Variants in OR13C5 observed in about 807,000 individuals in gnomAD.
OR13C5 encodes the protein olfactory receptor 13C5.
OR13C5 carries 9 observed loss-of-function variants against 12.4 expected under a neutral mutation model. The ratio of observed to expected loss-of-function variants is 0.72; its 90% confidence interval spans 0.44 to 1.26. The LOEUF (loss-of-function observed/expected upper bound fraction) is 1.26. Ranked by LOEUF, OR13C5 falls within the 50% of genes most tolerant of loss-of-function variation. OR13C5 has a pLI of 0.00. For synonymous variants in OR13C5, 124 were observed against 139.4 expected (o/e 0.89, Z 0.78); for missense variants, 361 against 374.4 (o/e 0.96, Z 0.29).
At position 104,599,010 on chromosome 9, in the gene OR13C5, A is replaced by T. The variant is rs1295528863; in HGVS notation, c.404T>A (p.Ile135Asn). 6.2e-7 allele frequency: 1 copy of T among 1,613,812 alleles called. No individual in the cohort carries two copies. Among genetic ancestry groups the T allele is most frequent in the Non-Finnish European group, 8.5e-7 (1 of 1,179,970 alleles). The change falls in exon 1 of 1, where the codon ATC becomes AAC. Residue 135 changes from isoleucine (I) to asparagine (N), a missense_variant. Coordinates refer to ENST00000374779, the MANE Select transcript of OR13C5 (RefSeq NM_001004482.1). ...GGGTACATAGGCATCCTTACTCATG[A>T]TGATGGGATATCTCAGAGGGTTGCA... The part of the protein sequence containing the change: ...AICNPLRYPI[I>N]MSKDAYVPMA...
In OR13C5 at chr9:104,598,539, T is replaced by C; in HGVS notation, c.875A>G (p.Asn292Ser). 1 of 1,613,254 alleles carries C rather than the reference T, an allele frequency of 6.2e-7. No individual in the cohort carries two copies. ...IFYRVMTPMM[N>S]PLIYSLRNKD... ...GTTTCTAAGACTGTAGATTAAAGGA[T>C]TCATCATGGGAGTCATCACCCTGTA... is the stretch of plus-strand genomic sequence containing the variant. The change falls in exon 1 of 1, where the codon AAT becomes AGT. Residue 292 changes from asparagine (N) to serine (S), a missense_variant. Physicochemically the swap from Asn to Ser is conservative, Grantham distance 46. Transcript: ENST00000374779.
rs781404745 is a variant in OR13C5 at position 104,599,253 on chromosome 9, T to A, written c.161A>T (p.His54Leu). 4.4e-6 allele frequency: 7 copies of A among 1,608,984 alleles called. No homozygotes were observed. In the South Asian group the frequency reaches 7.7e-5, roughly 18 times the overall value. Residue 54 changes from histidine (H) to leucine (L), a missense_variant, in exon 1 of 1, where the codon CAC becomes CTC. Physicochemically the swap from His to Leu is moderately conservative, Grantham distance 99. This residue lies in a region of OR13C5 where 67 missense variants were observed against 106.4 expected (regional missense o/e 0.63). Coordinates refer to ENST00000374779, the MANE Select transcript of OR13C5 (RefSeq NM_001004482.1). ...AAAGAAGTACATAGGGGTGTGAAGG[T>A]GAGGGTCCAAGATGCTGATTAAAAT... is the stretch of plus-strand genomic sequence containing the variant. ...TLILISILDP[H>L]LHTPMYFFLG...
In OR13C5 at chr9:104,598,833, C is replaced by G. The variant is rs76558719; in HGVS notation, c.581G>C (p.Gly194Ala). 3 of 1,613,980 alleles carry G rather than the reference C, an allele frequency of 1.9e-6. No individual in the cohort carries two copies. In the Admixed American group the frequency reaches 5.0e-5, roughly 27 times the overall value. Residue 194 changes from glycine to alanine, a missense_variant, in exon 1 of 1, where the codon GGC becomes GCC. Gly to Ala is a moderately conservative substitution (Grantham distance 60). Coordinates refer to ENST00000374779, the MANE Select transcript of OR13C5 (RefSeq NM_001004482.1). ...GGTCACAAGCAGGATGAACTCATTG[C>G]CTGAGATGTCAGCACAGGCCAGTTT... ...VMKLACADIS[G>A]NEFILLVTTT... is the part of the protein sequence containing the mutation.
rs369107437 is a variant in OR13C5 at position 104,599,313 on chromosome 9, A to G, written c.101T>C (p.Met34Thr). The change falls in exon 1 of 1, where the codon ATG (methionine) becomes ACG (threonine). Residue 34 changes from methionine to threonine, a missense_variant. This residue lies in a region of OR13C5 where 67 missense variants were observed against 106.4 expected (regional missense o/e 0.63). Transcript: ENST00000374779. ...ELLFFVLIFI[M>T]YVVILLGNGT... The stretch of plus-strand genomic sequence containing the variant: ...ATTCCCCAGAAGGATGACCACATAC[A>G]TTATGAAGATGAGCACAAAAAAGAG... 3.7e-6 allele frequency: 6 copies of G among 1,607,262 alleles called. No homozygotes were observed. In the African/African-American group the frequency reaches 4.0e-5, roughly 11 times the overall value.
Position 104,598,829 on chromosome 9 carries a change from A to C in OR13C5, c.585T>G (p.Asn195Lys), listed in dbSNP as rs529662276. Reference protein sequence around the residue: ...MKLACADISGNEFILLVTTTL... With the variant: ...MKLACADISGKEFILLVTTTL... The stretch of plus-strand genomic sequence containing the variant: ...TTGTGGTCACAAGCAGGATGAACTC[A>C]TTGCCTGAGATGTCAGCACAGGCCA... The change falls in exon 1 of 1, where the codon AAT (asparagine) becomes AAG (lysine). Residue 195 changes from asparagine (N) to lysine (K), a missense_variant. This residue lies in a region of OR13C5 where 294 missense variants were observed against 268.0 expected (regional missense o/e 1.10). Transcript: ENST00000374779. 6.2e-7 allele frequency: 1 copy of C among 1,614,104 alleles called. No individual in the cohort carries two copies. The highest frequency in any genetic ancestry group is 1.3e-5 in the African/African-American group (1 of 75,064).
chr9:104,599,223 C>T lies in OR13C5; in HGVS notation c.191G>A (p.Gly64Glu), dbSNP rs763045069. The change falls in exon 1 of 1, where the codon GGG becomes GAG. Residue 64 changes from glycine to glutamate, a missense_variant. Gly to Glu is a moderately conservative substitution (Grantham distance 98, BLOSUM62 -2). This residue lies in a region of OR13C5 where 67 missense variants were observed against 106.4 expected (regional missense o/e 0.63). Transcript: ENST00000374779. ...GCAGATGTCCAAGAAGGAGAGGTTCCCCAGAAAGAAGTACATAGGGGTGTG... is the reference window on the plus strand; with the variant it reads ...GCAGATGTCCAAGAAGGAGAGGTTCTCCAGAAAGAAGTACATAGGGGTGTG... ...HLHTPMYFFL[G>E]NLSFLDICYT... 1.9e-5 allele frequency: 31 copies of T among 1,609,916 alleles called. No individual in the cohort carries two copies. The highest frequency in any genetic ancestry group is 2.5e-5 in the Non-Finnish European group (29 of 1,178,120).
rs758299850 is a variant in OR13C5 at position 104,599,022 on chromosome 9, C to T, written c.392G>A (p.Arg131Lys). The T allele has an allele frequency of 6.2e-7, 1 of 1,613,800 alleles. No individual in the cohort carries two copies. The highest frequency in any genetic ancestry group is 8.5e-7 in the Non-Finnish European group (1 of 1,179,954). ...DRYVAICNPL[R>K]YPIIMSKDAY... ...ATCCTTACTCATGATGATGGGATAT[C>T]TCAGAGGGTTGCAGATAGCCACATA... Residue 131 changes from arginine to lysine, a missense_variant, in exon 1 of 1, where the codon AGA (arginine) becomes AAA (lysine). Transcript: ENST00000374779.
In OR13C5 at chr9:104,598,897, T is replaced by C. The variant is rs1564223270; in HGVS notation, c.517A>G (p.Ile173Val). Residue 173 changes from isoleucine (I) to valine (V), a missense_variant, in exon 1 of 1, where the codon ATC becomes GTC. Around this residue, in one of 2 missense-constraint regions of OR13C5, gnomAD observed 294 missense variants for 268.0 expected, o/e 1.10. Coordinates refer to ENST00000374779, the MANE Select transcript of OR13C5 (RefSeq NM_001004482.1). ...VVQLPFCRNN[I>V]INHFTCEILA... is the part of the protein sequence containing the mutation. Reference sequence around the variant, plus strand: ...ATTTCACAGGTGAAATGATTGATGATGTTATTCCTGCAGAAAGGCAATTGT... The same window carrying C: ...ATTTCACAGGTGAAATGATTGATGACGTTATTCCTGCAGAAAGGCAATTGT... 2 of 1,605,742 alleles carry C rather than the reference T, an allele frequency of 1.2e-6. No individual in the cohort carries two copies. The highest frequency in any genetic ancestry group is 3.4e-5 in the Admixed American group (2 of 59,258).
chr9:104,598,745 C>A lies in OR13C5; in HGVS notation c.669G>T (p.Leu223Phe), dbSNP rs774502053. 1.9e-6 allele frequency: 3 copies of A among 1,613,866 alleles called. No individual in the cohort carries two copies. In the Admixed American group the frequency reaches 5.0e-5, roughly 27 times the overall value. ...LIIVSYTLII[L>F]SIFKISSSEG... ...CCGAAGAGCTAATTTTGAAGATGCT[C>A]AAAATGATTAACGTGTAAGAGACAA... The change falls in exon 1 of 1, where the codon TTG (leucine) becomes TTT (phenylalanine). Residue 223 changes from leucine (L) to phenylalanine (F), a missense_variant. This residue lies in a region of OR13C5 where 294 missense variants were observed against 268.0 expected (regional missense o/e 1.10). Coordinates refer to ENST00000374779, the MANE Select transcript of OR13C5 (RefSeq NM_001004482.1).
Position 104,598,874 on chromosome 9 carries a change from T to C in OR13C5, c.540A>G (p.Glu180=). ...AGGCCAGTTTCATGACAGCTAGAAT[T>C]TCACAGGTGAAATGATTGATGATGT... The part of the protein sequence containing the change: ...RNNIINHFTC[E]ILAVMKLACA... Residue 180 remains glutamate (E), a synonymous_variant, in exon 1 of 1, where the codon GAA becomes GAG. Transcript: ENST00000374779. 6.2e-7 allele frequency: 1 copy of C among 1,614,082 alleles called. No homozygotes were observed. Among genetic ancestry groups the C allele is most frequent in the Non-Finnish European group, 8.5e-7 (1 of 1,179,984 alleles).
rs7042502 is a variant in OR13C5, at chr9:104,599,209, A to T, written c.205T>A (p.Leu69Met). The part of the protein sequence containing the change: ...MYFFLGNLSF[L>M]DICYTTTSIP... ...GAGGTGGTGGTGTAGCAGATGTCCA[A>T]GAAGGAGAGGTTCCCCAGAAAGAAG... Residue 69 changes from leucine to methionine, a missense_variant, in exon 1 of 1, where the codon TTG becomes ATG. Leu to Met is a conservative substitution (Grantham distance 15). Around this residue, in one of 2 missense-constraint regions of OR13C5, gnomAD observed 67 missense variants for 106.4 expected, o/e 0.63. Coordinates refer to ENST00000374779, the MANE Select transcript of OR13C5 (RefSeq NM_001004482.1). 0.46 allele frequency: 707,372 copies of T among 1,553,724 alleles called. 156,810 individuals are homozygous for T. The highest frequency in any genetic ancestry group is 0.93 in the East Asian group (38,757 of 41,548).
rs774361721 is a variant in OR13C5, at chr9:104,598,768, CAAT to C, written c.643_645del (p.Ile215del). 2.5e-6 allele frequency: 4 copies of C among 1,613,728 alleles called. No homozygotes were observed. The highest frequency in any genetic ancestry group is 3.4e-6 in the Non-Finnish European group (4 of 1,179,954). On this transcript the variant is annotated inframe_deletion, in exon 1 of 1. Transcript: ENST00000374779. ...CTCAAAATGATTAACGTGTAAGAGA[CAAT>C]AATTAATAACAAAGGTGTCAATAGG...
rs1443047555 is a variant in OR13C5 at position 104,599,304 on chromosome 9, A to G, written c.110T>C (p.Val37Ala). 15 of 1,607,838 alleles carry G rather than the reference A, an allele frequency of 9.3e-6. No individual in the cohort carries two copies. Among genetic ancestry groups the G allele is most frequent in the African/African-American group, 1.3e-5 (1 of 74,250 alleles). ...GAGAGTACCATTCCCCAGAAGGATG[A>G]CCACATACATTATGAAGATGAGCAC... is the stretch of plus-strand genomic sequence containing the variant. ...FFVLIFIMYVVILLGNGTLIL... is the reference protein window; with the variant it reads ...FFVLIFIMYVAILLGNGTLIL... The change falls in exon 1 of 1, where the codon GTC (valine) becomes GCC (alanine). Residue 37 changes from valine (V) to alanine (A), a missense_variant. Around this residue, in one of 2 missense-constraint regions of OR13C5, gnomAD observed 67 missense variants for 106.4 expected, o/e 0.63. Coordinates refer to ENST00000374779, the MANE Select transcript of OR13C5 (RefSeq NM_001004482.1).
rs79523325 is a variant in OR13C5, at chr9:104,599,143, T to A, written c.271A>T (p.Thr91Ser). ...TLVSFLSERK[T>S]ISLSGCAVQM... ...ACTGCACAGCCAGAAAGGGAAATGG[T>A]CTTTCTTTCTGAAAGGAAGCTCACT... The change falls in exon 1 of 1, where the codon ACC (threonine) becomes TCC (serine). Residue 91 changes from threonine to serine, a missense_variant. This residue lies in a region of OR13C5 where 67 missense variants were observed against 106.4 expected (regional missense o/e 0.63). Transcript: ENST00000374779. 1.6e-5 allele frequency: 26 copies of A among 1,613,032 alleles called. No homozygotes were observed. In the East Asian group the frequency reaches 3.3e-4, roughly 21 times the overall value.
At position 104,599,353 on chromosome 9, in the gene OR13C5, G is replaced by T. The variant is rs142613934; in HGVS notation, c.61C>A (p.Pro21Thr). 3 of 1,560,872 alleles carry T rather than the reference G, an allele frequency of 1.9e-6. No homozygotes were observed. Among genetic ancestry groups the T allele is most frequent in the Non-Finnish European group, 2.6e-6 (3 of 1,160,962 alleles). ...ACAAAAAAGAGTAACTCAAGTCTTGGGTGACCAGAAAGTCCCTTCAGAAAA... is the reference window on the plus strand; with the variant it reads ...ACAAAAAAGAGTAACTCAAGTCTTGTGTGACCAGAAAGTCCCTTCAGAAAA... ...EFFLKGLSGH[P>T]RLELLFFVLI... The change falls in exon 1 of 1, where the codon CCA becomes ACA. Residue 21 changes from proline (P) to threonine (T), a missense_variant. Around this residue, in one of 2 missense-constraint regions of OR13C5, gnomAD observed 67 missense variants for 106.4 expected, o/e 0.63. Transcript: ENST00000374779.
Position 104,598,652 on chromosome 9 carries a change from G to A in OR13C5, c.762C>T (p.Thr254=), listed in dbSNP as rs146029380. The stretch of plus-strand genomic sequence containing the variant: ...TGGGCTTCATGTACATGAGGAAGAT[G>A]GTCCCACAGAATGTTATCACCACAG... The part of the protein sequence containing the change: ...RLTVVITFCG[T]IFLMYMKPKS... The change falls in exon 1 of 1, where the codon ACC becomes ACT. Residue 254 remains threonine, a synonymous_variant. Coordinates refer to ENST00000374779, the MANE Select transcript of OR13C5 (RefSeq NM_001004482.1). 2 of 1,613,834 alleles carry A rather than the reference G, an allele frequency of 1.2e-6. No homozygotes were observed. Among genetic ancestry groups the A allele is most frequent in the East Asian group, 4.5e-5 (2 of 44,864 alleles).
Position 104,598,567 on chromosome 9 carries a change from A to G in OR13C5, c.847T>C (p.Phe283Leu). Residue 283 changes from phenylalanine to leucine, a missense_variant, in exon 1 of 1, where the codon TTC becomes CTC. Transcript: ENST00000374779. The stretch of plus-strand genomic sequence containing the variant: ...ATCATGGGAGTCATCACCCTGTAGA[A>G]TATGAATATAAGTTTGTCAGTGGCA... ...LDATDKLIFI[F>L]YRVMTPMMNP... The G allele has an allele frequency of 6.2e-7, 1 of 1,613,532 alleles. No individual in the cohort carries two copies. The highest frequency in any genetic ancestry group is 8.5e-7 in the Non-Finnish European group (1 of 1,179,646).
Position 104,598,579 on chromosome 9 carries a change from G to A in OR13C5, c.835C>T (p.Leu279Phe), listed in dbSNP as rs374640635. The change falls in exon 1 of 1, where the codon CTT becomes TTT. Residue 279 changes from leucine to phenylalanine, a missense_variant. By Grantham distance (22) the Leu-to-Phe change is conservative. Transcript: ENST00000374779. ...NSDDLDATDK[L>F]IFIFYRVMTP... The stretch of plus-strand genomic sequence containing the variant: ...ATCACCCTGTAGAATATGAATATAA[G>A]TTTGTCAGTGGCATCCAAGTCATCT... The A allele has an allele frequency of 2.5e-6, 4 of 1,613,494 alleles. No homozygotes were observed. Among genetic ancestry groups the A allele is most frequent in the African/African-American group, 2.7e-5 (2 of 74,876 alleles).
At position 104,599,244 on chromosome 9, in the gene OR13C5, G is replaced by T. The variant is rs755567466; in HGVS notation, c.170C>A (p.Thr57Asn). Residue 57 changes from threonine (T) to asparagine (N), a missense_variant, in exon 1 of 1, where the codon ACC (threonine) becomes AAC (asparagine). Physicochemically the swap from Thr to Asn is moderately conservative, Grantham distance 65. Around this residue, in one of 2 missense-constraint regions of OR13C5, gnomAD observed 67 missense variants for 106.4 expected, o/e 0.63. Transcript: ENST00000374779. ...LISILDPHLHTPMYFFLGNLS... is the reference protein window; with the variant it reads ...LISILDPHLHNPMYFFLGNLS... ...GTTCCCCAGAAAGAAGTACATAGGG[G>T]TGTGAAGGTGAGGGTCCAAGATGCT... is the stretch of plus-strand genomic sequence containing the variant. The T allele has an allele frequency of 1.2e-6, 2 of 1,608,996 alleles. No homozygotes were observed. The highest frequency in any genetic ancestry group is 1.3e-5 in the African/African-American group (1 of 74,300).
Sources: gnomAD v4.1 joint callset for allele counts on GRCh38, gnomAD v4.1.1 for gene constraint, gnomAD v4.1.1 regional missense constraint, MANE v1.5 for transcripts, NCBI Gene and HGNC (gene_info 2026-07-23, HGNC 2026-07-21) for gene names.